The following TOX3 variants were observed in gnomAD, a reference collection of about 807,000 sequenced individuals.
TOX3 encodes TOX high mobility group box family member 3, also known as CAG trinucleotide repeat-containing gene F9 protein.
In TOX3, 22 loss-of-function variants were observed where a neutral mutation model predicts 64.3. The ratio of observed to expected loss-of-function variants is 0.34; its 90% CI spans 0.24 to 0.49. The LOEUF is 0.49. Ranked by LOEUF, TOX3 falls within the 20% of genes least tolerant of loss-of-function variation. TOX3 has a pLI of 0.99. For synonymous variants in TOX3, 291 were observed against 273.6 expected (o/e 1.06, Z -0.63); for missense variants, 661 against 714.4 (o/e 0.93, Z 0.85).
At chr16:52,449,101 TAACAA>T (rs984448181) in intron 4 of TOX3, among the ~76,000 whole-genome samples, 7 of 152,186 alleles carry the variant, frequency 4.6e-5, no homozygotes, top group African/African-American at 1.7e-4. Flanking sequence ...AAAGGAAACA[TAACAA>T]AAGAGTCTTC....
At chr16:52,519,976 C>CAAAAAAAA (rs61541718) in intron 1 of TOX3, among the ~76,000 whole-genome samples, 2 of 127,594 alleles carry the variant, frequency 1.6e-5, no homozygotes. Context: ...GTCTCAAAAA[C>CAAAAAAAA]AAAAAAAAAA....
At chr16:52,498,354 C>T (rs765375057) in intron 1 of TOX3, among the ~76,000 whole-genome samples, 6 of 152,130 alleles carry the variant, frequency 3.9e-5, no homozygotes, top group African/African-American at 7.2e-5. Flanking sequence ...TATATAAGAG[C>T]AATAAATATT....
chr16:52,495,018 G>C (rs1382975322), intron 1 of TOX3, among the ~76,000 whole-genome samples: 2 of 152,158 alleles, frequency 1.3e-5, no homozygotes, highest in Non-Finnish European at 2.9e-5. Flanking sequence ...GGTGAAAGCG[G>C]CATCGGTTCA....
intron 1 of TOX3, among the ~76,000 whole-genome samples, chr16:52,523,026 A>G (rs1174867038): frequency 1.3e-5 from 2 of 152,188 alleles, no homozygotes; most frequent in African/African-American, 4.8e-5. Flanking sequence ...GAGAGAGACA[A>G]TGAATAAATA....
rs1255418682 is a variant in TOX3, at chr16:52,437,246, T to C, written c.*1979A>G. ...CTTGCTGTTCAATATTTGTACATAA[T>C]ACAGAGTAGGAGAGGATTATGAAAT... On this transcript the variant is annotated 3_prime_UTR_variant, in exon 7 of 7. Coordinates refer to ENST00000219746, the MANE Select transcript of TOX3 (RefSeq NM_001080430.4). 5.3e-5 allele frequency: 8 copies of C among 152,258 alleles called. No homozygotes were observed. Among genetic ancestry groups the C allele is most frequent in the Non-Finnish European group, 1.0e-4 (7 of 68,048 alleles). 9.4% of individuals were successfully genotyped at this position (152,258 alleles called of 1,614,324 possible).
chr16:52,536,674 T>TAA, intron 1 of TOX3, among the ~76,000 whole-genome samples: 1 of 89,882 alleles, frequency 1.1e-5, no homozygotes, highest in East Asian at 3.5e-4. Context: ...TATATATATA[T>TAA]ATACATGTGT....
intron 1 of TOX3, among the ~76,000 whole-genome samples, chr16:52,472,121 T>G (rs1239388160): frequency 6.6e-6 from 1 of 152,178 alleles, no homozygotes; most frequent in African/African-American, 2.4e-5. Context: ...TGACTTCCCT[T>G]TGATGAGTCA....
At position 52,457,103 on chromosome 16, in the gene TOX3, A is replaced by C. The variant is rs953167713; in HGVS notation, c.409-6557T>G. 2.6e-5 allele frequency among the ~76,000 whole-genome samples: 4 copies of C among 152,336 alleles called. No homozygotes were observed. In the South Asian group the frequency reaches 8.3e-4, roughly 32 times the overall value. On this transcript the variant is annotated intron_variant, in intron 3 of 6. Coordinates refer to ENST00000219746, the MANE Select transcript of TOX3 (RefSeq NM_001080430.4). ...TAATTTCCTTAAATGAGAAAACTCT[A>C]CATATTTAAATCCTTTTCACTCATT...
rs1413088762 is a variant in TOX3, at chr16:52,546,713, C to T, written c.11G>A (p.Arg4Lys). ...GTCCCCGGCCGCCGCGGGGTAGAAC[C>T]TCACATCCATGCCGAAGCTGGGCCC... The part of the protein sequence containing the change: MDV[R>K]FYPAAAGDPA... The change falls in exon 1 of 7, where the codon AGG becomes AAG. Residue 4 changes from arginine to lysine, a missense_variant. Around this residue, in one of 3 missense-constraint regions of TOX3, gnomAD observed 259 missense variants for 261.2 expected, o/e 0.99. Coordinates refer to ENST00000219746, the MANE Select transcript of TOX3 (RefSeq NM_001080430.4). 1 of 1,529,412 alleles carries T rather than the reference C, an allele frequency of 6.5e-7. No individual in the cohort carries two copies. Among genetic ancestry groups the T allele is most frequent in the South Asian group, 1.2e-5 (1 of 82,760 alleles). The allele number at this position is 1,529,412 out of a possible 1,614,324, so 94.7% of individuals were successfully genotyped here.
intron 2 of TOX3, among the ~76,000 whole-genome samples, chr16:52,465,213 A>C (rs569425573): frequency 1.9e-4 from 28 of 150,902 alleles, no homozygotes; most frequent in Non-Finnish European, 4.0e-4. Flanking sequence ...ACGGGGTTTC[A>C]CCGTGTTAGG....
At chr16:52,459,882 C>T (rs1332639570) in intron 3 of TOX3, among the ~76,000 whole-genome samples, 3 of 151,864 alleles carry the variant, frequency 2.0e-5, no homozygotes, top group Admixed American at 2.0e-4. Context: ...AATTCAACTT[C>T]AAAATTAGAG....
intron 1 of TOX3, among the ~76,000 whole-genome samples, chr16:52,524,487 C>T (rs554623573): frequency 4.6e-5 from 7 of 152,238 alleles, no homozygotes; most frequent in South Asian, 2.1e-4. Flanking sequence ...ACCACGGGTA[C>T]GTGTACTCAA....
Position 52,453,291 on chromosome 16 carries a change from C to T in TOX3, c.409-2745G>A, listed in dbSNP as rs193093462. ...CTCCACCTCCCAGGTTCAAGTGATT[C>T]TCCTTCCTTAGCCTCCTGAGTAGCT... On this transcript the variant is annotated intron_variant, in intron 3 of 6. Transcript: ENST00000219746. 3.3e-5 allele frequency among the ~76,000 whole-genome samples: 5 copies of T among 151,266 alleles called. No individual in the cohort carries two copies. The East Asian group carries it at 9.8e-4, about 30-fold the overall frequency.
At chr16:52,515,097 C>T (rs1477001888) in intron 1 of TOX3, among the ~76,000 whole-genome samples, 1 of 137,392 alleles carries the variant, frequency 7.3e-6, no homozygotes, top group African/African-American at 2.7e-5. Context: ...TGTTTTGTCA[C>T]ATTACCTATT....
At chr16:52,517,312 C>T (rs1376178733) in intron 1 of TOX3, among the ~76,000 whole-genome samples, 1 of 152,120 alleles carries the variant, frequency 6.6e-6, no homozygotes, top group African/African-American at 2.4e-5. Flanking sequence ...CAACTTTGAC[C>T]AGGAAAGAAG....
intron 1 of TOX3, among the ~76,000 whole-genome samples, chr16:52,480,392 C>A (rs1961337426): frequency 6.6e-6 from 1 of 152,138 alleles, no homozygotes; most frequent in African/African-American, 2.4e-5. Flanking sequence ...GTTCTTGCTG[C>A]AATCCAATGA....
intron 1 of TOX3, among the ~76,000 whole-genome samples, chr16:52,509,564 A>G (rs1005510175): frequency 6.6e-6 from 1 of 152,228 alleles, no homozygotes; most frequent in Non-Finnish European, 1.5e-5. Flanking sequence ...AAAGCTAGAC[A>G]GCTTTTCTCT....
At position 52,464,118 on chromosome 16, in the gene TOX3, G is replaced by A. The variant is rs2151755912; in HGVS notation, c.224C>T (p.Ser75Leu). ...ATCCGGCATGCCTAGGGCAGGGTCT[G>A]ACTCTGGAGGAGGCGTGATTGGTGG... ...EIPPITPPPESDPALGMPDVL... is the reference protein window; with the variant it reads ...EIPPITPPPELDPALGMPDVL... The change falls in exon 3 of 7, where the codon TCA (serine) becomes TTA (leucine). Residue 75 changes from serine (S) to leucine (L), a missense_variant. Ser to Leu is a moderately radical substitution (Grantham distance 145). Coordinates refer to ENST00000219746, the MANE Select transcript of TOX3 (RefSeq NM_001080430.4). The A allele has an allele frequency of 1.3e-6, 2 of 1,592,452 alleles. No individual in the cohort carries two copies. Among genetic ancestry groups the A allele is most frequent in the East Asian group, 4.6e-5 (2 of 43,334 alleles).
chr16:52,495,441 A>G (rs796324781), intron 1 of TOX3, among the ~76,000 whole-genome samples: 5 of 152,332 alleles, frequency 3.3e-5, no homozygotes, highest in African/African-American at 1.2e-4. Context: ...CACCAGGCCT[A>G]AAGTGTGGGG....
Sources: allele counts gnomAD v4.1 joint callset (sites outside exome capture counted in the v4.1 genomes callset), GRCh38; gene constraint gnomAD v4.1.1; regional missense constraint gnomAD v4.1.1; transcripts MANE v1.5; gene names NCBI Gene and HGNC (gene_info 2026-07-23, HGNC 2026-07-21).